KCND2: variants seen among roughly 807,000 people sequenced by gnomAD.
KCND2 encodes the protein A-type voltage-gated potassium channel KCND2.
Under a neutral mutation model 54.4 loss-of-function variants are expected in KCND2, and 16 were observed. That is an observed-to-expected ratio of 0.29 (90% CI 0.20 to 0.45). KCND2 has a LOEUF of 0.45. Ranked by LOEUF, KCND2 falls within the 20% of genes least tolerant of loss-of-function variation. The probability of loss-of-function intolerance (pLI) is 1.00; values close to 1 mark genes in which losing one functional copy is unlikely to be tolerated. For missense variants in KCND2, 486 were observed against 824.2 expected, an observed-to-expected ratio of 0.59 and a Z score of 5.02; for synonymous variants, 317 against 310.7, an observed-to-expected ratio of 1.02 and a Z score of -0.21.
chr7:120,655,351 C>T (rs1301596617), intron 1 of KCND2, among the ~76,000 whole-genome samples: 1 of 151,690 alleles, frequency 6.6e-6, no homozygotes, highest in Non-Finnish European at 1.5e-5. Flanking sequence ...GCTACAGGAC[C>T]CTTGGGATGC....
chr7:120,651,623 CTG>C (rs1791734727), intron 1 of KCND2, among the ~76,000 whole-genome samples: 2 of 152,148 alleles, frequency 1.3e-5, no homozygotes, highest in Admixed American at 6.5e-5. Flanking sequence ...ACCCACTGTC[CTG>C]CACCCAGTGT....
At chr7:120,372,588 T>C (rs1007209896) in intron 1 of KCND2, among the ~76,000 whole-genome samples, 1 of 151,960 alleles carries the variant, frequency 6.6e-6, no homozygotes, top group African/African-American at 2.4e-5. Context: ...CTTTGTATTG[T>C]ATTGTAATGA....
intron 1 of KCND2, among the ~76,000 whole-genome samples, chr7:120,472,292 C>A (rs1802468642): frequency 6.6e-6 from 1 of 151,600 alleles, no homozygotes; most frequent in Non-Finnish European, 1.5e-5. Flanking sequence ...AGCAGTGGGG[C>A]AGGGCAGGAT....
intron 1 of KCND2, among the ~76,000 whole-genome samples, chr7:120,490,026 C>A (rs774085878): frequency 1.3e-4 from 20 of 152,136 alleles, no homozygotes; most frequent in Non-Finnish European, 2.6e-4. Flanking sequence ...TTAAATGAAG[C>A]TCAAAGCCTA....
chr7:120,320,846 G>A (rs770176201), intron 1 of KCND2, among the ~76,000 whole-genome samples: 1 of 152,100 alleles, frequency 6.6e-6, no homozygotes. Flanking sequence ...ATACAAAAAT[G>A]CAGGAAGAGC....
rs1190714211 is a variant in KCND2, at chr7:120,745,993, A to T, written c.1681A>T (p.Ile561Phe). The change falls in exon 5 of 6, where the codon ATC (isoleucine) becomes TTC (phenylalanine). Residue 561 changes from isoleucine to phenylalanine, a missense_variant. Transcript: ENST00000331113. ...TATACAAGAACTCAGCACGATTCAG[A>T]TCAGATGTGTGGAGAGAACACCTCT... ...GSIQELSTIQ[I>F]RCVERTPLSN... 5 of 1,613,736 alleles carry T rather than the reference A, an allele frequency of 3.1e-6. No homozygotes were observed. Among genetic ancestry groups the T allele is most frequent in the Non-Finnish European group, 4.2e-6 (5 of 1,179,738 alleles).
chr7:120,289,903 C>T (rs1230798676), intron 1 of KCND2, among the ~76,000 whole-genome samples: 2 of 152,138 alleles, frequency 1.3e-5, no homozygotes, highest in South Asian at 2.1e-4. Context: ...AAGCAATACA[C>T]ATACGATTTA....
At chr7:120,513,095 G>T (rs896125047) in intron 1 of KCND2, among the ~76,000 whole-genome samples, 1 of 152,012 alleles carries the variant, frequency 6.6e-6, no homozygotes, top group Non-Finnish European at 1.5e-5. Flanking sequence ...CCCCGCACCT[G>T]TCCTTCTTCA....
chr7:120,659,800 G>A (rs1333343751), intron 1 of KCND2, among the ~76,000 whole-genome samples: 2 of 152,142 alleles, frequency 1.3e-5, no homozygotes, highest in Admixed American at 1.3e-4. Context: ...GAACCTGCCT[G>A]TAGGAAAACT....
At chr7:120,583,274 C>A (rs1176956917) in intron 1 of KCND2, among the ~76,000 whole-genome samples, 2 of 152,054 alleles carry the variant, frequency 1.3e-5, no homozygotes, top group African/African-American at 4.8e-5. Flanking sequence ...TTTGCTAATT[C>A]TTCTTGATGA....
At chr7:120,421,456 T>C (rs900549646) in intron 1 of KCND2, among the ~76,000 whole-genome samples, 2 of 152,234 alleles carry the variant, frequency 1.3e-5, no homozygotes, top group African/African-American at 4.8e-5. Context: ...GGTTTCTATT[T>C]TGCATAATGG....
At chr7:120,594,447 A>G (rs916232829) in intron 1 of KCND2, among the ~76,000 whole-genome samples, 5 of 152,294 alleles carry the variant, frequency 3.3e-5, no homozygotes, top group South Asian at 2.1e-4. Context: ...ACCCTCTTTC[A>G]TGTTGCAGAC....
At chr7:120,285,495 T>C (rs1420304887) in intron 1 of KCND2, among the ~76,000 whole-genome samples, 1 of 151,950 alleles carries the variant, frequency 6.6e-6, no homozygotes, top group African/African-American at 2.4e-5. Flanking sequence ...AAACATCTCA[T>C]AGACATTCAG....
chr7:120,564,436 T>C (rs1792272857), intron 1 of KCND2, among the ~76,000 whole-genome samples: 1 of 152,214 alleles, frequency 6.6e-6, no homozygotes, highest in Admixed American at 6.5e-5. Flanking sequence ...TTTGCTTCAA[T>C]AGATTAGAGC....
chr7:120,316,511 T>A (rs897838603), intron 1 of KCND2, among the ~76,000 whole-genome samples: 1 of 152,232 alleles, frequency 6.6e-6, no homozygotes, highest in Non-Finnish European at 1.5e-5. Flanking sequence ...ATCACACGTG[T>A]AGGAAGTTAC....
intron 1 of KCND2, among the ~76,000 whole-genome samples, chr7:120,605,275 A>G (rs771985196): frequency 1.3e-5 from 2 of 152,182 alleles, no homozygotes; most frequent in Non-Finnish European, 2.9e-5. Flanking sequence ...CTATGTCTCT[A>G]TGAATTTGCC....
At chr7:120,385,193 G>A (rs1047778018) in intron 1 of KCND2, among the ~76,000 whole-genome samples, 6 of 150,700 alleles carry the variant, frequency 4.0e-5, no homozygotes, top group Non-Finnish European at 8.9e-5. Context: ...TGGTAGAGAC[G>A]GGGTTTTATC....
intron 1 of KCND2, among the ~76,000 whole-genome samples, chr7:120,366,413 G>T (rs576261231): frequency 7.3e-5 from 11 of 151,092 alleles, no homozygotes; most frequent in Non-Finnish European, 1.6e-4. Flanking sequence ...TCTTGAACCT[G>T]GGAGGCGGAG....
chr7:120,462,213 G>GT (rs138425653), intron 1 of KCND2, among the ~76,000 whole-genome samples: 9,967 of 143,652 alleles, frequency 0.069, 927 homozygotes, highest in African/African-American at 0.22. Flanking sequence ...ATTCTTTTTT[G>GT]TTTTTTTTTT....
Sources: gnomAD v4.1 joint callset for allele counts (sites outside exome capture counted in the v4.1 genomes callset) on GRCh38, gnomAD v4.1.1 for gene constraint, MANE v1.5 for transcripts, NCBI Gene and HGNC (gene_info 2026-07-23, HGNC 2026-07-21) for gene names.